Variants in ATP13A3 observed in about 807,000 individuals in gnomAD.
The protein encoded by ATP13A3 is polyamine-transporting ATPase 13A3.
ATP13A3 carries 59 observed loss-of-function variants against 158.1 expected under a neutral mutation model. The observed-to-expected ratio is 0.37, with a 90% CI of 0.30 to 0.46. The LOEUF is 0.46. Ranked by LOEUF, ATP13A3 falls within the 20% of genes least tolerant of loss-of-function variation. The pLI, the probability that ATP13A3 is intolerant of heterozygous loss-of-function variation, is 1.00. For missense variants in ATP13A3, 1,166 were observed against 1,525.2 expected, an observed-to-expected ratio of 0.76 and a Z score of 3.92; for synonymous variants, 491 against 504.3, an observed-to-expected ratio of 0.97 and a Z score of 0.35.
At chr3:194,470,475 T>C (rs1405501352) in intron 2 of ATP13A3, among the ~76,000 whole-genome samples, 1 of 152,150 alleles carries the variant, frequency 6.6e-6, no homozygotes, top group Non-Finnish European at 1.5e-5. Flanking sequence ...AACCCTTTTA[T>C]TCAGAGAAAT....
In ATP13A3 at chr3:194,478,497, C is replaced by A. The variant is rs142742281; in HGVS notation, c.-47+7297G>T. On this transcript the variant is annotated intron_variant, in intron 2 of 33. Coordinates refer to ENST00000645319, the MANE Select transcript of ATP13A3 (RefSeq NM_001367549.1). ...AGATGAAACCCAAGCAGGGGAACTG[C>A]CACATGCAGAGGTACTATAGTGAGA... Among the ~76,000 whole-genome samples the A allele has an allele frequency of 5.0e-3, 766 of 152,030 alleles. 5 individuals carry two copies. The highest frequency in any genetic ancestry group is 0.016 in the African/African-American group (675 of 41,456).
At position 194,459,922 on chromosome 3, in the gene ATP13A3, T is replaced by C; in HGVS notation, c.275A>G (p.Glu92Gly). Residue 92 changes from glutamate (E) to glycine (G), a missense_variant, in exon 5 of 34, where the codon GAA (glutamate) becomes GGA (glycine). Physicochemically the swap from Glu to Gly is moderately conservative, Grantham distance 98. Around this residue, in one of 3 missense-constraint regions of ATP13A3, gnomAD observed 104 missense variants for 91.7 expected, o/e 1.13. Transcript: ENST00000645319. Reference protein sequence around the residue: ...FCAKIRVLSLETYPVSSPKSM... With the variant: ...FCAKIRVLSLGTYPVSSPKSM... The stretch of plus-strand genomic sequence containing the variant: ...TTTTGGACTTGAAACTGGGTAAGTT[T>C]CCAAAGAAAGAACGCGAATTTTTGC... 2 of 1,613,374 alleles carry C rather than the reference T, an allele frequency of 1.2e-6. No homozygotes were observed. The highest frequency in any genetic ancestry group is 1.7e-6 in the Non-Finnish European group (2 of 1,179,620).
At chr3:194,431,614 T>A (rs543760352) in intron 22 of ATP13A3, 103 bp downstream of exon 22, 2 of 1,177,628 alleles carry the variant, frequency 1.7e-6, no homozygotes. Flanking sequence ...TCTGTTTTCA[T>A]TTAGTTTTTG....
At chr3:194,459,592 T>C (rs370380596) in intron 5 of ATP13A3, 51 bp from the exon 6 acceptor site, 3 of 1,437,378 alleles carry the variant, frequency 2.1e-6, no homozygotes, top group Middle Eastern at 3.6e-4. Context: ...TCACTTGTGA[T>C]ATGTAATCTG....
At chr3:194,471,324 T>TAAAA (rs59967046) in intron 2 of ATP13A3, among the ~76,000 whole-genome samples, 20 of 88,078 alleles carry the variant, frequency 2.3e-4, no homozygotes, top group East Asian at 2.1e-3. Flanking sequence ...CAGCAAATTC[T>TAAAA]AAAAAAAAAA....
chr3:194,462,336 A>ACC, intron 2 of ATP13A3, 100 bp from the exon 3 acceptor site: 1 of 752,404 alleles, frequency 1.3e-6, no homozygotes, highest in Admixed American at 2.5e-5. Context: ...GGGGTCCCCA[A>ACC]CCCCTGGGTC....
At chr3:194,457,931 A>C (rs576534811) in intron 6 of ATP13A3, among the ~76,000 whole-genome samples, 7 of 152,036 alleles carry the variant, frequency 4.6e-5, no homozygotes, top group Non-Finnish European at 1.0e-4. Flanking sequence ...GAGTACAGGC[A>C]CACACCACCA....
intron 17 of ATP13A3, 107 bp downstream of exon 17, chr3:194,438,749 G>A (rs986863654): frequency 1.5e-6 from 1 of 654,586 alleles, no homozygotes; most frequent in Non-Finnish European, 2.3e-6. Context: ...GACCAGCCTG[G>A]GCAACATAGC....
At chr3:194,473,299 C>T (rs1056222579) in intron 2 of ATP13A3, among the ~76,000 whole-genome samples, 14 of 151,886 alleles carry the variant, frequency 9.2e-5, no homozygotes, top group Non-Finnish European at 1.5e-4. Context: ...GATAATGGGG[C>T]GGAGAGAGAC....
At chr3:194,434,920 CAAAAGAAACAAACAAA>C (rs904584357) in intron 20 of ATP13A3, among the ~76,000 whole-genome samples, 1 of 152,016 alleles carries the variant, frequency 6.6e-6, no homozygotes, top group African/African-American at 2.4e-5. Flanking sequence ...GATCCTATCT[CAAAAGAAACAAACAAA>C]AAAAGAAAAC....
intron 2 of ATP13A3, among the ~76,000 whole-genome samples, chr3:194,463,354 T>C (rs1031786493): frequency 3.3e-5 from 5 of 151,966 alleles, no homozygotes; most frequent in Non-Finnish European, 7.4e-5. Context: ...ATTTGCAAGA[T>C]GTAAAACGAT....
intron 2 of ATP13A3, among the ~76,000 whole-genome samples, chr3:194,485,537 G>A (rs1289319402): frequency 6.6e-6 from 1 of 152,150 alleles, no homozygotes; most frequent in Non-Finnish European, 1.5e-5. Flanking sequence ...ACTTTTTAAA[G>A]GCTTTATTTT....
rs1718548930 is a variant in ATP13A3, at chr3:194,448,329, C to T, written c.1150+128G>A. ...TCCTGACCTCATGATCCGCCCACCT[C>T]GGCTTCCCAAAGTGCTGGGATTACA... On this transcript the variant is annotated intron_variant, in intron 12 of 33. Transcript: ENST00000645319. The surrounding 1 kb of genome is among the most constrained non-coding windows in gnomAD (Gnocchi z 4.0). 7.3e-6 allele frequency: 8 copies of T among 1,096,418 alleles called. No individual in the cohort carries two copies. Among genetic ancestry groups the T allele is most frequent in the Admixed American group, 2.4e-5 (1 of 42,408 alleles). The allele number at this position is 1,096,418 out of a possible 1,614,324, so 67.9% of individuals were successfully genotyped here. A position where few individuals can be genotyped will look rare whatever the true frequency, so the allele number is the denominator to read the frequency against.
Position 194,427,185 on chromosome 3 carries a change from G to C in ATP13A3, c.3015C>G (p.Ala1005=), listed in dbSNP as rs183037298. The change falls in exon 29 of 34, where the codon GCC becomes GCG. Residue 1005 remains alanine (A), a synonymous_variant. Transcript: ENST00000645319. ...QRPPSGLISG[A]LLFSVLSQII... ...TCTGAGACAAAACGGAGAAGAGAAG[G>C]GCCCCAGATATAAGACCCGAAGGTG... is the stretch of plus-strand genomic sequence containing the variant. The C allele has an allele frequency of 1.5e-4, 235 of 1,613,286 alleles. 2 individuals carry two copies. In the East Asian group the frequency reaches 5.0e-3, roughly 34 times the overall value.
rs773710020 is a variant in ATP13A3 at position 194,406,028 on chromosome 3, G to A, written c.3662C>T (p.Ala1221Val). 7.4e-6 allele frequency: 12 copies of A among 1,614,008 alleles called. No individual in the cohort carries two copies. Among genetic ancestry groups the A allele is most frequent in the Admixed American group, 1.7e-5 (1 of 59,998 alleles). The change falls in exon 34 of 34, where the codon GCG becomes GTG. Residue 1221 changes from alanine to valine, a missense_variant. Ala to Val is a moderately conservative substitution (Grantham distance 64). This residue lies in a region of ATP13A3 where 997 missense variants were observed against 1,341.2 expected (regional missense o/e 0.74). Coordinates refer to ENST00000645319, the MANE Select transcript of ATP13A3 (RefSeq NM_001367549.1). ...TTCTGGATCAACCAAGAGCTCCTGC[G>A]CCAGATACATGTACTTTGCCTTTGG... ...KTPKAKYMYL[A>V]QELLVDPEWP...
chr3:194,461,705 T>C (rs1284171616), intron 3 of ATP13A3, among the ~76,000 whole-genome samples: 2 of 152,204 alleles, frequency 1.3e-5, no homozygotes, highest in Non-Finnish European at 2.9e-5. Flanking sequence ...GACTTTTACA[T>C]TTAACAGGGC....
chr3:194,410,594 C>T (rs1180365495), intron 33 of ATP13A3, among the ~76,000 whole-genome samples: 1 of 151,954 alleles, frequency 6.6e-6, no homozygotes, highest in Non-Finnish European at 1.5e-5. Flanking sequence ...GCAGATATTT[C>T]CTAATAATTT....
intron 30 of ATP13A3, 61 bp from the exon 31 acceptor site, chr3:194,420,028 T>A: frequency 7.0e-7 from 1 of 1,436,574 alleles, no homozygotes; most frequent in Non-Finnish European, 9.1e-7. Context: ...TAAAAAGGCA[T>A]CCAATAACAG....
rs370845183 is a variant in ATP13A3, at chr3:194,453,736, C to T, written c.808G>A (p.Val270Ile). 2.0e-5 allele frequency: 33 copies of T among 1,613,322 alleles called. No individual in the cohort carries two copies. The highest frequency in any genetic ancestry group is 2.7e-5 in the African/African-American group (2 of 74,856). Reference sequence around the variant, plus strand: ...TTTACTCTACAAACTGAAACTCTTACGGTACTATGAGTTGCCACCATGTCA... The same window carrying T: ...TTTACTCTACAAACTGAAACTCTTATGGTACTATGAGTTGCCACCATGTCA... ...LHDMVATHST[V>I]RVSVCRVNEE... Residue 270 changes from valine (V) to isoleucine (I), a missense_variant, in exon 10 of 34, where the codon GTA becomes ATA. Physicochemically the swap from Val to Ile is conservative, Grantham distance 29. Coordinates refer to ENST00000645319, the MANE Select transcript of ATP13A3 (RefSeq NM_001367549.1).
Sources: gnomAD v4.1 joint callset for allele counts (sites outside exome capture counted in the v4.1 genomes callset) on GRCh38, gnomAD v4.1.1 for gene constraint, gnomAD v4.1.1 regional missense constraint, Gnocchi (gnomAD v3.1) non-coding constraint, MANE v1.5 for transcripts, NCBI Gene and HGNC (gene_info 2026-07-23, HGNC 2026-07-21) for gene names.